EPHA8: variants seen among roughly 807,000 people sequenced by gnomAD.
The protein encoded by EPHA8 is ephrin type-A receptor 8.
In EPHA8, 58 loss-of-function variants were observed where a neutral mutation model predicts 103.6. That is an observed-to-expected ratio of 0.56 (90% CI 0.45 to 0.70). The LOEUF (loss-of-function observed/expected upper bound fraction) is 0.70, where lower values mean the gene tolerates loss of function less well. Among genes scored for constraint, EPHA8 ranks in the 30% least tolerant of loss-of-function variants. EPHA8 has a pLI of 0.00. For missense variants in EPHA8, 1,304 were observed against 1,395.2 expected (o/e 0.93, Z 1.04); for synonymous variants, 559 against 572.5 (o/e 0.98, Z 0.34).
intron 4 of EPHA8, among the ~76,000 whole-genome samples, chr1:22,587,053 A>C (rs1453220669): frequency 1.3e-5 from 2 of 152,242 alleles, no homozygotes; most frequent in African/African-American, 2.4e-5. Context: ...GGAACTGCTG[A>C]ATGCTGAGAG....
chr1:22,565,318 G>A (rs918572058), intron 1 of EPHA8, among the ~76,000 whole-genome samples: 5 of 152,160 alleles, frequency 3.3e-5, no homozygotes, highest in Non-Finnish European at 5.9e-5. Context: ...CAGGGTGGCC[G>A]AGAAGTGAGA....
chr1:22,597,431 G>C lies in EPHA8; in HGVS notation c.1885G>C (p.Glu629Gln), dbSNP rs376201963. 2 of 1,613,430 alleles carry C rather than the reference G, an allele frequency of 1.2e-6. No individual in the cohort carries two copies. Among genetic ancestry groups the C allele is most frequent in the Non-Finnish European group, 1.7e-6 (2 of 1,179,992 alleles). ...PGRAGRSFTR[E>Q]IEASRIHIEK... ...CCGGGCGGGCCGCAGTTTCACTCGG[G>C]AGATCGAGGCCTCTAGGATCCACAT... Residue 629 changes from glutamate to glutamine, a missense_variant, in exon 10 of 17, where the codon GAG (glutamate) becomes CAG (glutamine). Transcript: ENST00000166244. The surrounding 1 kb of genome is among the most constrained non-coding windows in gnomAD (Gnocchi z 4.6).
Position 22,568,752 on chromosome 1 carries a change from G to A in EPHA8, c.95-537G>A, listed in dbSNP as rs115261228. ...GGGGAACAGGGTGATTATGAAGCTG[G>A]GGCCAGTCCTCAGATGGGAGGTATG... is the stretch of plus-strand genomic sequence containing the variant. On this transcript the variant is annotated intron_variant, in intron 1 of 16. Coordinates refer to ENST00000166244, the MANE Select transcript of EPHA8 (RefSeq NM_020526.5). 7.8e-3 allele frequency among the ~76,000 whole-genome samples: 1,192 copies of A among 152,346 alleles called. 11 individuals are homozygous for A. Among genetic ancestry groups the A allele is most frequent in the African/African-American group, 0.027 (1,121 of 41,576 alleles).
At chr1:22,578,341 CAT>C (rs1457281876) in intron 3 of EPHA8, among the ~76,000 whole-genome samples, 1 of 132,396 alleles carries the variant, frequency 7.6e-6, no homozygotes, top group East Asian at 2.5e-4. Flanking sequence ...TGAGTGTATG[CAT>C]GTGTGTATGT....
At position 22,589,467 on chromosome 1, in the gene EPHA8, T is replaced by C; in HGVS notation, c.1315+261T>C. 4 of 1,481,100 alleles carry C rather than the reference T, an allele frequency of 2.7e-6. No individual in the cohort carries two copies. Among genetic ancestry groups the C allele is most frequent in the Admixed American group, 2.4e-5 (1 of 42,496 alleles). 91.7% of individuals were successfully genotyped at this position (1,481,100 alleles called of 1,614,324 possible). ...CCGTCGAAAGCCTAGGTTCCAGAAC[T>C]TTCCCTCTCTGTGCCTCAGTTTCCT... On this transcript the variant is annotated intron_variant, in intron 5 of 16. Transcript: ENST00000166244. The surrounding 1 kb of genome is among the most constrained non-coding windows in gnomAD (Gnocchi z 4.3).
chr1:22,595,214 T>C lies in EPHA8; in HGVS notation c.1604-16T>C. ...GGCTGAGAGCCTGGTCCCCCAACCC[T>C]GGCTTTCCCCTGCAGGGCCCCGCTA... is the stretch of plus-strand genomic sequence containing the variant. On this transcript the variant is annotated splice_polypyrimidine_tract_variant and intron_variant, in intron 7 of 16. Transcript: ENST00000166244. The C allele has an allele frequency of 6.3e-7, 1 of 1,599,572 alleles. No homozygotes were observed. Among genetic ancestry groups the C allele is most frequent in the South Asian group, 1.1e-5 (1 of 89,726 alleles).
chr1:22,597,206 C>T lies in EPHA8; in HGVS notation c.1766-106C>T, dbSNP rs1157807323. ...TGTTTGCTACCACATCCAGAGACTCCCAGAGACACCCCTCACCCCACCCCA... is the reference window on the plus strand; with the variant it reads ...TGTTTGCTACCACATCCAGAGACTCTCAGAGACACCCCTCACCCCACCCCA... On this transcript the variant is annotated intron_variant, in intron 9 of 16. Transcript: ENST00000166244. This position sits in a 1 kb window ranked among gnomAD's most constrained non-coding sequence, Gnocchi z 4.6. The T allele has an allele frequency of 1.1e-6, 1 of 946,568 alleles. No individual in the cohort carries two copies. Among genetic ancestry groups the T allele is most frequent in the African/African-American group, 1.7e-5 (1 of 60,174 alleles). 58.6% of individuals were successfully genotyped at this position (946,568 alleles called of 1,614,324 possible). A position where few individuals can be genotyped will look rare whatever the true frequency, so the allele number is the denominator to read the frequency against.
At position 22,569,171 on chromosome 1, in the gene EPHA8, C is replaced by A; in HGVS notation, c.95-118C>A. The A allele has an allele frequency of 1.1e-6, 1 of 907,082 alleles. No homozygotes were observed. Among genetic ancestry groups the A allele is most frequent in the South Asian group, 1.5e-5 (1 of 68,472 alleles). 56.2% of individuals were successfully genotyped at this position (907,082 alleles called of 1,614,324 possible). The stretch of plus-strand genomic sequence containing the variant: ...GAGAAAGGGCATTCAGGCAGAGGGA[C>A]CCGTGTGAGCTGTGTGCTGGGGGCT... On this transcript the variant is annotated intron_variant, in intron 1 of 16. Coordinates refer to ENST00000166244, the MANE Select transcript of EPHA8 (RefSeq NM_020526.5). The surrounding 1 kb of genome is among the most constrained non-coding windows in gnomAD (Gnocchi z 4.5).
chr1:22,565,196 G>A (rs1310185736), intron 1 of EPHA8, among the ~76,000 whole-genome samples: 1 of 152,176 alleles, frequency 6.6e-6, no homozygotes, highest in Non-Finnish European at 1.5e-5. Context: ...TAAGGAGCCC[G>A]TCGTTTGCAT....
chr1:22,573,396 A>G (rs995082722), intron 2 of EPHA8, among the ~76,000 whole-genome samples: 3 of 152,076 alleles, frequency 2.0e-5, no homozygotes, highest in African/African-American at 7.2e-5. Flanking sequence ...TTTGAGTCCC[A>G]TTTTACAGAT....
In EPHA8 at chr1:22,601,612, A is replaced by T. The variant is rs1216414637; in HGVS notation, c.2904-15A>T. On this transcript the variant is annotated splice_polypyrimidine_tract_variant and intron_variant, in intron 16 of 16. Transcript: ENST00000166244. ...CTCCCAGGCCCAGCTGGCCAGCAGC[A>T]CCCTTCCTTCACAGGGACGTGCGCG... The T allele has an allele frequency of 6.3e-7, 1 of 1,584,620 alleles. No homozygotes were observed. The highest frequency in any genetic ancestry group is 8.6e-7 in the Non-Finnish European group (1 of 1,165,716).
rs1207181815 is a variant in EPHA8, at chr1:22,586,614, C to A, written c.958C>A (p.Pro320Thr). 3 of 1,613,942 alleles carry A rather than the reference C, an allele frequency of 1.9e-6. No homozygotes were observed. Among genetic ancestry groups the A allele is most frequent in the Non-Finnish European group, 2.5e-6 (3 of 1,179,936 alleles). ...DLSYYRAALD[P>T]PSSACTRPPS... ...CAGCTACTACCGTGCAGCCCTGGACCCGCCGTCCTCAGCCTGCACCCGTGA... is the reference window on the plus strand; with the variant it reads ...CAGCTACTACCGTGCAGCCCTGGACACGCCGTCCTCAGCCTGCACCCGTGA... The change falls in exon 4 of 17, where the codon CCG becomes ACG. Residue 320 changes from proline (P) to threonine (T), a missense_variant. By Grantham distance (38) the Pro-to-Thr change is conservative. Transcript: ENST00000166244.
At position 22,584,163 on chromosome 1, in the gene EPHA8, C is replaced by T. The variant is rs182993004; in HGVS notation, c.824-2317C>T. Among the ~76,000 whole-genome samples, 62 of 152,322 alleles carry T rather than the reference C, an allele frequency of 4.1e-4. 1 individual carries two copies. The East Asian group carries it at 6.8e-3, about 17-fold the overall frequency. ...ATGCAAAGCCCTTTTCTGATGATGC[C>T]ACCCCCAGCGGCCCCCGGGGCTCAG... On this transcript the variant is annotated intron_variant, in intron 3 of 16. Coordinates refer to ENST00000166244, the MANE Select transcript of EPHA8 (RefSeq NM_020526.5).
chr1:22,569,270 C>G lies in EPHA8; in HGVS notation c.95-19C>G. 6.2e-7 allele frequency: 1 copy of G among 1,613,204 alleles called. No homozygotes were observed. Among genetic ancestry groups the G allele is most frequent in the South Asian group, 1.1e-5 (1 of 90,970 alleles). ...AGAAGTCAGAGGGGCCTGATGCCCT[C>G]TTGTCTCCTGTTTTACAGTGAATTT... On this transcript the variant is annotated intron_variant, in intron 1 of 16. Transcript: ENST00000166244. This position sits in a 1 kb window ranked among gnomAD's most constrained non-coding sequence, Gnocchi z 4.5.
intron 3 of EPHA8, among the ~76,000 whole-genome samples, chr1:22,580,948 A>G (rs1200748885): frequency 1.3e-5 from 2 of 152,204 alleles, no homozygotes; most frequent in Admixed American, 6.5e-5. Flanking sequence ...GGTGGGGCTA[A>G]TGAAGGACCT....
intron 1 of EPHA8, among the ~76,000 whole-genome samples, chr1:22,565,093 A>G (rs935145254): frequency 6.6e-6 from 1 of 152,210 alleles, no homozygotes; most frequent in African/African-American, 2.4e-5. Flanking sequence ...GCCAGTATGC[A>G]TGAGCACAAA....
At chr1:22,564,375 G>A (rs985095033) in intron 1 of EPHA8, among the ~76,000 whole-genome samples, 26 of 151,566 alleles carry the variant, frequency 1.7e-4, no homozygotes, top group African/African-American at 5.3e-4. Flanking sequence ...GAGGGCAGGG[G>A]AGTTCCAGCT....
intron 3 of EPHA8, among the ~76,000 whole-genome samples, chr1:22,578,437 T>TGTGTGCATGTGTGCGA (rs1640853644): frequency 7.5e-6 from 1 of 134,150 alleles, no homozygotes; most frequent in African/African-American, 4.0e-5. Context: ...TATGTGTACG[T>TGTGTGCATGTGTGCGA]GTGTGCATGT....
In EPHA8 at chr1:22,600,662, G is replaced by A. The variant is rs537363813; in HGVS notation, c.2390G>A (p.Gly797Asp). Residue 797 changes from glycine to aspartate, a missense_variant and splice_region_variant, in exon 14 of 17, where the codon GGC becomes GAC. By Grantham distance (94) the Gly-to-Asp change is moderately conservative (BLOSUM62 -1). Transcript: ENST00000166244. ...TCAACTCTTGTGTGTCCGTCGCAGG[G>A]CGGGAAGATCCCCATCCGCTGGACG... is the stretch of plus-strand genomic sequence containing the variant. ...DDPDAAYTTTGGKIPIRWTAP... is the reference protein window; with the variant it reads ...DDPDAAYTTTDGKIPIRWTAP... 10 of 1,613,170 alleles carry A rather than the reference G, an allele frequency of 6.2e-6. No homozygotes were observed. The highest frequency in any genetic ancestry group is 1.7e-4 in the Middle Eastern group (1 of 5,958).
Sources: allele counts gnomAD v4.1 joint callset (sites outside exome capture counted in the v4.1 genomes callset), GRCh38; gene constraint gnomAD v4.1.1; non-coding constraint Gnocchi (gnomAD v3.1); transcripts MANE v1.5; gene names NCBI Gene and HGNC (gene_info 2026-07-23, HGNC 2026-07-21).